Variants in AKAP6 observed in about 807,000 individuals in gnomAD.
AKAP6 encodes A-kinase anchor protein 6.
In AKAP6, 58 loss-of-function variants were observed where a neutral mutation model predicts 188.5. The observed-to-expected ratio is 0.31, with a 90% CI of 0.25 to 0.38. The LOEUF is 0.38. Among genes scored for constraint, AKAP6 ranks in the 10% least tolerant of loss-of-function variants. AKAP6 has a pLI of 1.00. For synonymous variants in AKAP6, 989 were observed against 998.6 expected, an observed-to-expected ratio of 0.99 and a Z score of 0.18; for missense variants, 2,710 against 2,740.0, an observed-to-expected ratio of 0.99 and a Z score of 0.24.
intron 2 of AKAP6, among the ~76,000 whole-genome samples, chr14:32,535,013 T>C (rs1346656913): frequency 6.9e-6 from 1 of 145,848 alleles, no homozygotes; most frequent in East Asian, 2.0e-4. Context: ...AAACACTGAA[T>C]TTGAATATTA....
chr14:32,677,010 G>A (rs1037451759), intron 7 of AKAP6, among the ~76,000 whole-genome samples: 1 of 152,006 alleles, frequency 6.6e-6, no homozygotes, highest in African/African-American at 2.4e-5. Flanking sequence ...ATTTTTAGTA[G>A]AGACGGGGTT....
chr14:32,749,104 G>T (rs1352665248), intron 11 of AKAP6, among the ~76,000 whole-genome samples: 1 of 152,104 alleles, frequency 6.6e-6, no homozygotes, highest in Non-Finnish European at 1.5e-5. Context: ...TATTTATTGA[G>T]TATCATCACT....
intron 1 of AKAP6, among the ~76,000 whole-genome samples, chr14:32,423,357 G>A (rs72666196): frequency 1.3e-4 from 19 of 151,936 alleles, no homozygotes; most frequent in African/African-American, 4.4e-4. Context: ...TTTTGTGTGT[G>A]TGTGTGGAGA....
intron 4 of AKAP6, among the ~76,000 whole-genome samples, chr14:32,569,448 G>C (rs1332810034): frequency 6.6e-6 from 1 of 152,134 alleles, no homozygotes; most frequent in Admixed American, 6.6e-5. Flanking sequence ...GGATTTTCTA[G>C]GTAGGAGTGT....
chr14:32,658,000 A>G (rs559026179), intron 7 of AKAP6, among the ~76,000 whole-genome samples: 1 of 152,272 alleles, frequency 6.6e-6, no homozygotes, highest in Admixed American at 6.5e-5. Context: ...CTAGTCTAGC[A>G]CATTTGGATC....
At chr14:32,452,842 T>C (rs1890985604) in intron 2 of AKAP6, among the ~76,000 whole-genome samples, 1 of 152,220 alleles carries the variant, frequency 6.6e-6, no homozygotes, top group Admixed American at 6.5e-5. Context: ...AAAATAGGAA[T>C]AATAGTATCT....
At chr14:32,594,342 A>AT (rs1885604009) in intron 5 of AKAP6, among the ~76,000 whole-genome samples, 1 of 152,134 alleles carries the variant, frequency 6.6e-6, no homozygotes, top group Non-Finnish European at 1.5e-5. Flanking sequence ...CATATATGTA[A>AT]TTTTATCATA....
At chr14:32,767,043 C>A (rs2032741018) in intron 11 of AKAP6, among the ~76,000 whole-genome samples, 2 of 152,104 alleles carry the variant, frequency 1.3e-5, no homozygotes, top group South Asian at 4.1e-4. Context: ...GTTGTCTCAG[C>A]ACCATTTGTT....
chr14:32,484,836 G>A lies in AKAP6; in HGVS notation c.325-50718G>A, dbSNP rs1566532130. 2 of 219,434 alleles carry A rather than the reference G, an allele frequency of 9.1e-6. 1 individual carries two copies. The highest frequency in any genetic ancestry group is 1.7e-4 in the African/African-American group (2 of 11,752). 13.6% of individuals were successfully genotyped at this position (219,434 alleles called of 1,614,324 possible). ...AGGTAAAATGGCTGAGTGAAGCATT[G>A]GACTGTAAATCTAAAGACAGGGGCT... is the stretch of plus-strand genomic sequence containing the variant. On this transcript the variant is annotated intron_variant, in intron 2 of 13. Coordinates refer to ENST00000280979, the MANE Select transcript of AKAP6 (RefSeq NM_004274.5).
chr14:32,817,172 A>G (rs1249999562), intron 12 of AKAP6, among the ~76,000 whole-genome samples: 1 of 152,090 alleles, frequency 6.6e-6, no homozygotes, highest in Non-Finnish European at 1.5e-5. Context: ...CCACCATTTA[A>G]GCTAAAATTG....
intron 1 of AKAP6, among the ~76,000 whole-genome samples, chr14:32,390,667 T>TGG (rs372065593): frequency 1.5e-4 from 23 of 152,244 alleles, no homozygotes; most frequent in African/African-American, 5.5e-4. Context: ...GGGCTGGTAC[T>TGG]GGGGGTTGTC....
At chr14:32,556,485 G>A (rs1883693370) in intron 4 of AKAP6, among the ~76,000 whole-genome samples, 1 of 152,084 alleles carries the variant, frequency 6.6e-6, no homozygotes, top group East Asian at 1.9e-4. Flanking sequence ...TGGGACTACA[G>A]GCATGCGCCA....
intron 10 of AKAP6, among the ~76,000 whole-genome samples, chr14:32,734,918 GAAA>G (rs2031342786): frequency 6.6e-6 from 1 of 151,854 alleles, no homozygotes; most frequent in Admixed American, 6.6e-5. Flanking sequence ...CCACCAAAAA[GAAA>G]AAAAGAAAAC....
At chr14:32,701,011 G>A (rs1280700436) in intron 9 of AKAP6, among the ~76,000 whole-genome samples, 1 of 152,020 alleles carries the variant, frequency 6.6e-6, no homozygotes, top group South Asian at 2.1e-4. Context: ...TTATACTAAA[G>A]ATTTTGTACT....
intron 7 of AKAP6, among the ~76,000 whole-genome samples, chr14:32,623,327 TTCCC>T (rs1245621544): frequency 6.6e-6 from 1 of 152,176 alleles, no homozygotes; most frequent in African/African-American, 2.4e-5. Flanking sequence ...AATAAATTGC[TTCCC>T]TGATTGTGTG....
At chr14:32,663,587 A>G (rs757851155) in intron 7 of AKAP6, among the ~76,000 whole-genome samples, 3 of 152,110 alleles carry the variant, frequency 2.0e-5, no homozygotes, top group Non-Finnish European at 4.4e-5. Context: ...CCACATGAAG[A>G]AGATAGGAGG....
chr14:32,757,984 T>C (rs960041656), intron 11 of AKAP6, among the ~76,000 whole-genome samples: 1 of 152,244 alleles, frequency 6.6e-6, no homozygotes, highest in Non-Finnish European at 1.5e-5. Context: ...TTTTGTGTGC[T>C]TATTTGAATA....
At chr14:32,705,868 C>G (rs1272458624) in intron 9 of AKAP6, among the ~76,000 whole-genome samples, 1 of 152,144 alleles carries the variant, frequency 6.6e-6, no homozygotes, top group Non-Finnish European at 1.5e-5. Context: ...TATTCCCTTA[C>G]TATGGTAGAG....
intron 5 of AKAP6, among the ~76,000 whole-genome samples, chr14:32,591,631 A>G (rs1885488818): frequency 6.8e-6 from 1 of 147,066 alleles, no homozygotes; most frequent in Admixed American, 6.9e-5. Flanking sequence ...TTTTGTCTTC[A>G]TATCTCAGTG....
Sources: allele counts gnomAD v4.1 joint callset (sites outside exome capture counted in the v4.1 genomes callset), GRCh38; gene constraint gnomAD v4.1.1; transcripts MANE v1.5; gene names NCBI Gene and HGNC (gene_info 2026-07-23, HGNC 2026-07-21).